Variants in GAK observed in about 807,000 individuals in gnomAD.
The protein encoded by GAK is cyclin-G-associated kinase.
A neutral mutation model predicts 143.9 loss-of-function variants in GAK; 79 were observed. The observed-to-expected ratio is 0.55, with a 90% CI of 0.46 to 0.66. GAK has a LOEUF of 0.66. GAK is among the 30% of genes least tolerant of loss of function. The pLI is 0.00. For missense variants in GAK, 1,693 were observed against 1,779.7 expected (o/e 0.95, Z 0.88); for synonymous variants, 881 against 765.5 (o/e 1.15, Z -2.49).
intron 16 of GAK, 28 bp downstream of exon 16, chr4:877,587 C>G: frequency 6.5e-7 from 1 of 1,542,630 alleles, no homozygotes; most frequent in East Asian, 2.3e-5. Flanking sequence ...GAGGAGGGAG[C>G]ACAGCGTGGG....
chr4:918,254 A>C (rs149943061), intron 1 of GAK, among the ~76,000 whole-genome samples: 3 of 152,334 alleles, frequency 2.0e-5, no homozygotes, highest in Non-Finnish European at 2.9e-5. Flanking sequence ...AAAATTTAGA[A>C]ACAACAACTA....
At chr4:882,322 C>A (rs1715305723) in intron 14 of GAK, among the ~76,000 whole-genome samples, 1 of 152,230 alleles carries the variant, frequency 6.6e-6, no homozygotes, top group South Asian at 2.1e-4. Context: ...AACCTCAACT[C>A]CATCACCCAC....
intron 1 of GAK, among the ~76,000 whole-genome samples, chr4:916,403 C>T (rs916557708): frequency 1.3e-5 from 2 of 152,156 alleles, no homozygotes; most frequent in Non-Finnish European, 2.9e-5. Flanking sequence ...TACAGGCATG[C>T]GTCACCACAC....
In GAK at chr4:896,506, A is replaced by G. The variant is rs752266106; in HGVS notation, c.695T>C (p.Ile232Thr). The change falls in exon 7 of 28, where the codon ATA (isoleucine) becomes ACA (threonine). Residue 232 changes from isoleucine to threonine, a missense_variant. Ile to Thr is a moderately conservative substitution (Grantham distance 89, BLOSUM62 -1). This residue lies in a region of GAK where 871 missense variants were observed against 991.0 expected (regional missense o/e 0.88). Coordinates refer to ENST00000314167, the MANE Select transcript of GAK (RefSeq NM_005255.4). ...GATCGGGAAGTTGGAATACAAGTCT[A>G]TGATTTCTGGTGTTCTATACATTGG... The part of the protein sequence containing the change: ...TTPMYRTPEI[I>T]DLYSNFPIGE... 3 of 1,614,092 alleles carry G rather than the reference A, an allele frequency of 1.9e-6. No individual in the cohort carries two copies. Among genetic ancestry groups the G allele is most frequent in the Non-Finnish European group, 2.5e-6 (3 of 1,179,924 alleles).
At chr4:893,289 C>T in intron 9 of GAK, 88 bp downstream of exon 9, 1 of 949,296 alleles carries the variant, frequency 1.1e-6, no homozygotes, top group South Asian at 1.9e-5. Flanking sequence ...CTCACATGTG[C>T]CTCCCTCCCC....
At chr4:892,708 AG>A (rs1717913998) in intron 9 of GAK, among the ~76,000 whole-genome samples, 3 of 152,132 alleles carry the variant, frequency 2.0e-5, no homozygotes, top group Admixed American at 2.0e-4. Flanking sequence ...ACAGACGCAG[AG>A]CAACTCAGGA....
intron 9 of GAK, among the ~76,000 whole-genome samples, chr4:891,783 C>G (rs1032637993): frequency 6.6e-6 from 1 of 152,216 alleles, no homozygotes. Context: ...AGCCACCAAG[C>G]GAGGGGGACA....
intron 23 of GAK, among the ~76,000 whole-genome samples, chr4:860,707 G>A (rs979677006): frequency 2.7e-5 from 4 of 149,790 alleles, no homozygotes; most frequent in Admixed American, 6.6e-5. Flanking sequence ...CTGTGCACAC[G>A]GGGAGAAGGG....
intron 5 of GAK, among the ~76,000 whole-genome samples, chr4:902,656 G>A (rs921988996): frequency 3.6e-4 from 51 of 142,432 alleles, no homozygotes; most frequent in Admixed American, 7.0e-5. Context: ...CACGGAGGAC[G>A]AGGCCCACCA....
chr4:877,951 T>C, intron 15 of GAK, 142 bp from the exon 16 acceptor site: 2 of 634,234 alleles, frequency 3.2e-6, no homozygotes, highest in Non-Finnish European at 5.3e-6. Context: ...AATCTGATGT[T>C]ATAATTTTCA....
intron 12 of GAK, 128 bp downstream of exon 12, chr4:883,909 C>T (rs1715691181): frequency 1.1e-6 from 1 of 927,002 alleles, no homozygotes; most frequent in Non-Finnish European, 1.6e-6. Context: ...CCCCAGGTCA[C>T]CCCTGTGAGT....
At chr4:884,558 G>A (rs1715876132) in intron 11 of GAK, among the ~76,000 whole-genome samples, 1 of 152,202 alleles carries the variant, frequency 6.6e-6, no homozygotes, top group Admixed American at 6.5e-5. Context: ...GGCAGAGAGG[G>A]CCCCCTGCCC....
At chr4:869,589 AT>A in intron 19 of GAK, 1 of 70,166 alleles carries the variant, frequency 1.4e-5, no homozygotes, top group African/African-American at 5.9e-5. Context: ...GTACACACGA[AT>A]GCACACACAG....
At chr4:928,501 A>G (rs1725191770) in intron 1 of GAK, among the ~76,000 whole-genome samples, 2 of 152,200 alleles carry the variant, frequency 1.3e-5, no homozygotes, top group Non-Finnish European at 2.9e-5. Flanking sequence ...ACTGCACTCA[A>G]CATGGGCGAC....
At chr4:894,215 G>T in intron 7 of GAK, 1 of 542,288 alleles carries the variant, frequency 1.8e-6, no homozygotes, top group Non-Finnish European at 3.0e-6. Flanking sequence ...GTGACACCGG[G>T]GCCTGCGGGA....
intron 5 of GAK, among the ~76,000 whole-genome samples, chr4:903,889 G>A (rs997153577): frequency 6.6e-6 from 1 of 152,180 alleles, no homozygotes; most frequent in Non-Finnish European, 1.5e-5. Context: ...GGGCGTGAAG[G>A]CCCCCAGCAG....
Position 867,244 on chromosome 4 carries a change from C to T in GAK, c.2584G>A (p.Val862Ile). Residue 862 changes from valine to isoleucine, a missense_variant, in exon 21 of 28, where the codon GTT (valine) becomes ATT (isoleucine). Transcript: ENST00000314167. ...LAAGLVQQDLVFEVETPAVLP... is the reference protein window; with the variant it reads ...LAAGLVQQDLIFEVETPAVLP... ...ACAGCCGGTGTCTCCACCTCAAAAA[C>T]CAAGTCCTGCTGCACCAGCCCTGCT... is the stretch of plus-strand genomic sequence containing the variant. 6.2e-7 allele frequency: 1 copy of T among 1,613,116 alleles called. No homozygotes were observed.
At chr4:864,456 C>T (rs1299265330) in intron 23 of GAK, among the ~76,000 whole-genome samples, 1 of 152,214 alleles carries the variant, frequency 6.6e-6, no homozygotes, top group Non-Finnish European at 1.5e-5. Flanking sequence ...TAGGGGTGTT[C>T]GCTTTGACTG....
chr4:875,952 C>A (rs1713771459), intron 18 of GAK, among the ~76,000 whole-genome samples: 1 of 152,214 alleles, frequency 6.6e-6, no homozygotes, highest in South Asian at 2.1e-4. Context: ...AAAAAAAAGA[C>A]AGACCTCCAG....
Sources: gnomAD v4.1 joint callset for allele counts (sites outside exome capture counted in the v4.1 genomes callset) on GRCh38, gnomAD v4.1.1 for gene constraint, gnomAD v4.1.1 regional missense constraint, MANE v1.5 for transcripts, NCBI Gene and HGNC (gene_info 2026-07-23, HGNC 2026-07-21) for gene names.